The following RIMS1 variants were observed in gnomAD, a reference collection of about 807,000 sequenced individuals.
RIMS1 encodes regulating synaptic membrane exocytosis protein 1.
A neutral mutation model predicts 214.1 loss-of-function variants in RIMS1; 83 were observed. The ratio of observed to expected loss-of-function variants is 0.39; its 90% confidence interval spans 0.32 to 0.47. The LOEUF is 0.47. Ranked by LOEUF, RIMS1 falls within the 20% of genes least tolerant of loss-of-function variation. The probability of loss-of-function intolerance (pLI) is 0.99; values close to 1 mark genes in which losing one functional copy is unlikely to be tolerated. For synonymous variants in RIMS1, 793 were observed against 786.8 expected (o/e 1.01, Z -0.13); for missense variants, 2,050 against 2,161.8 (o/e 0.95, Z 1.03).
At chr6:72,127,219 A>G (rs1347515000) in intron 4 of RIMS1, among the ~76,000 whole-genome samples, 3 of 152,052 alleles carry the variant, frequency 2.0e-5, no homozygotes, top group Admixed American at 6.6e-5. Flanking sequence ...AAATATCAGT[A>G]GTTTTTAATT....
chr6:72,246,424 G>A (rs1244127250), intron 11 of RIMS1, among the ~76,000 whole-genome samples: 4 of 152,152 alleles, frequency 2.6e-5, no homozygotes, highest in Non-Finnish European at 4.4e-5. Context: ...AGATGATATT[G>A]TGTGCAATAA....
chr6:72,173,758 A>C (rs2047343960), intron 4 of RIMS1, among the ~76,000 whole-genome samples: 2 of 152,124 alleles, frequency 1.3e-5, no homozygotes, highest in Non-Finnish European at 2.9e-5. Flanking sequence ...TTCCTTGATT[A>C]GCCATATATA....
intron 2 of RIMS1, among the ~76,000 whole-genome samples, chr6:72,021,181 A>G (rs1814550087): frequency 6.6e-6 from 1 of 152,208 alleles, no homozygotes; most frequent in South Asian, 2.1e-4. Flanking sequence ...TTCTCCCTCT[A>G]AGAAGGCATT....
intron 28 of RIMS1, among the ~76,000 whole-genome samples, chr6:72,324,652 A>C (rs1317674358): frequency 6.6e-6 from 1 of 151,960 alleles, no homozygotes; most frequent in East Asian, 1.9e-4. Flanking sequence ...TATTATAGAT[A>C]TATAAATGAT....
rs75893956 is a variant in RIMS1, at chr6:72,111,343, G to A, written c.471+11357G>A. Among the ~76,000 whole-genome samples, 276 of 152,132 alleles carry A rather than the reference G, an allele frequency of 1.8e-3. 1 individual carries two copies. Among genetic ancestry groups the A allele is most frequent in the African/African-American group, 6.5e-3 (269 of 41,496 alleles). On this transcript the variant is annotated intron_variant, in intron 4 of 33. Transcript: ENST00000521978. ...TAGTAATATTTTTCAAAATCTCAAAGCTACTCTTATATGATTATTCATCCA... is the reference window on the plus strand; with the variant it reads ...TAGTAATATTTTTCAAAATCTCAAAACTACTCTTATATGATTATTCATCCA...
intron 4 of RIMS1, among the ~76,000 whole-genome samples, chr6:72,150,604 C>G (rs2043413337): frequency 6.6e-6 from 1 of 152,212 alleles, no homozygotes; most frequent in Admixed American, 6.5e-5. Flanking sequence ...AGAAATCTCT[C>G]AAGCTAGTAT....
chr6:72,065,581 AT>A (rs1829086005), intron 2 of RIMS1, among the ~76,000 whole-genome samples: 1 of 152,228 alleles, frequency 6.6e-6, no homozygotes, highest in Admixed American at 6.5e-5. Context: ...AAATAATAGA[AT>A]AACAACAATA....
At chr6:71,929,412 A>G (rs553813259) in intron 1 of RIMS1, among the ~76,000 whole-genome samples, 1 of 152,292 alleles carries the variant, frequency 6.6e-6, no homozygotes, top group African/African-American at 2.4e-5. Context: ...AACAAAGTAC[A>G]TTTTATTTGG....
At chr6:72,398,693 A>G (rs187350692) in intron 32 of RIMS1, among the ~76,000 whole-genome samples, 1 of 152,342 alleles carries the variant, frequency 6.6e-6, no homozygotes, top group East Asian at 1.9e-4. Context: ...GCTTTAAGAT[A>G]TAAACCTGCA....
chr6:71,934,462 A>G (rs1258378845), intron 1 of RIMS1, among the ~76,000 whole-genome samples: 3 of 152,154 alleles, frequency 2.0e-5, no homozygotes, highest in Non-Finnish European at 4.4e-5. Context: ...GTAACTTCTA[A>G]TGCTGTTACA....
intron 29 of RIMS1, among the ~76,000 whole-genome samples, chr6:72,335,189 T>A (rs2096797387): frequency 6.6e-6 from 1 of 151,922 alleles, no homozygotes; most frequent in Admixed American, 6.6e-5. Context: ...TAGATATTTC[T>A]CCTAGGCCTC....
chr6:71,899,171 G>C (rs1483636755), intron 1 of RIMS1, among the ~76,000 whole-genome samples: 1 of 152,014 alleles, frequency 6.6e-6, no homozygotes, highest in Non-Finnish European at 1.5e-5. Context: ...TTTCTTAATT[G>C]TGATAATTTT....
At chr6:72,120,430 T>C (rs193141983) in intron 4 of RIMS1, among the ~76,000 whole-genome samples, 3 of 151,980 alleles carry the variant, frequency 2.0e-5, no homozygotes, top group African/African-American at 4.8e-5. Context: ...TTTCATGTGT[T>C]TGTTGGCTGC....
intron 29 of RIMS1, among the ~76,000 whole-genome samples, chr6:72,338,053 G>T (rs1164952830): frequency 6.6e-6 from 1 of 151,758 alleles, no homozygotes; most frequent in South Asian, 2.1e-4. Flanking sequence ...ATAAACATAC[G>T]TGTGTATGTG....
At chr6:72,364,082 T>G (rs1317641878) in intron 29 of RIMS1, among the ~76,000 whole-genome samples, 1 of 152,214 alleles carries the variant, frequency 6.6e-6, no homozygotes, top group East Asian at 1.9e-4. Context: ...CCTTTCCTTT[T>G]GCCTTTTCAA....
chr6:72,058,668 T>C (rs1827021160), intron 2 of RIMS1, among the ~76,000 whole-genome samples: 1 of 152,226 alleles, frequency 6.6e-6, no homozygotes, highest in Admixed American at 6.5e-5. Context: ...ACCTTTTTCT[T>C]GAATTATTGA....
At chr6:72,380,646 T>C (rs2154419215) in intron 29 of RIMS1, among the ~76,000 whole-genome samples, 1 of 152,300 alleles carries the variant, frequency 6.6e-6, no homozygotes, top group East Asian at 1.9e-4. Context: ...TATCTTCCTG[T>C]TGTCAAGAGT....
At chr6:71,963,175 CT>C (rs1793455101) in intron 1 of RIMS1, among the ~76,000 whole-genome samples, 1 of 152,154 alleles carries the variant, frequency 6.6e-6, no homozygotes, top group Non-Finnish European at 1.5e-5. Flanking sequence ...TTCCATTCAT[CT>C]TTTAAGTATT....
intron 2 of RIMS1, among the ~76,000 whole-genome samples, chr6:72,000,980 G>A (rs983317567): frequency 6.6e-6 from 1 of 151,462 alleles, no homozygotes; most frequent in East Asian, 1.9e-4. Flanking sequence ...ACTAAATATT[G>A]CTGTCTTTGT....
Sources: gnomAD v4.1 joint callset for allele counts (sites outside exome capture counted in the v4.1 genomes callset) on GRCh38, gnomAD v4.1.1 for gene constraint, MANE v1.5 for transcripts, NCBI Gene and HGNC (gene_info 2026-07-23, HGNC 2026-07-21) for gene names.